The following HAT1 variants were observed in gnomAD, a reference collection of about 807,000 sequenced individuals.
The protein encoded by HAT1 is histone acetyltransferase 1.
Under a neutral mutation model 56.6 loss-of-function variants are expected in HAT1, and 20 were observed. The ratio of observed to expected loss-of-function variants is 0.35; its 90% CI spans 0.25 to 0.51. The LOEUF (loss-of-function observed/expected upper bound fraction) is 0.51. HAT1 is among the 20% of genes least tolerant of loss of function. HAT1 has a pLI of 0.95. For missense variants in HAT1, 408 were observed against 504.3 expected (o/e 0.81, Z 1.83); for synonymous variants, 146 against 165.5 (o/e 0.88, Z 0.91).
At position 171,979,357 on chromosome 2, in the gene HAT1, A is replaced by C; in HGVS notation, c.1086A>C (p.Pro362=). The part of the protein sequence containing the change: ...RLDIKRRLIS[P]YKKKQRDLAK... ...ATATTAAAAGAAGACTAATTAGCCC[A>C]TATAAGGTAGGACTTTCAAGAATCT... Residue 362 remains proline, a synonymous_variant, in exon 10 of 11, where the codon CCA becomes CCC. Transcript: ENST00000264108. The C allele has an allele frequency of 6.8e-7, 1 of 1,465,240 alleles. No homozygotes were observed. The highest frequency in any genetic ancestry group is 9.6e-7 in the Non-Finnish European group (1 of 1,044,046). 90.8% of individuals were successfully genotyped at this position (1,465,240 alleles called of 1,614,324 possible).
intron 4 of HAT1, among the ~76,000 whole-genome samples, chr2:171,963,588 T>A (rs1173238052): frequency 6.6e-6 from 1 of 152,248 alleles, no homozygotes; most frequent in East Asian, 1.9e-4. Flanking sequence ...TTTAAACTGA[T>A]AGATTATAAA....
At chr2:171,963,705 A>G (rs980537274) in intron 4 of HAT1, among the ~76,000 whole-genome samples, 3 of 152,206 alleles carry the variant, frequency 2.0e-5, no homozygotes, top group African/African-American at 7.2e-5. Flanking sequence ...CAACACATCT[A>G]TTACAGCTAT....
chr2:171,955,969 C>T (rs928462766), intron 4 of HAT1, among the ~76,000 whole-genome samples: 2 of 151,796 alleles, frequency 1.3e-5, no homozygotes, highest in African/African-American at 2.4e-5. Flanking sequence ...CACCGGAACC[C>T]GGTAGGCGGA....
At chr2:171,977,552 T>TA (rs1688014756) in intron 9 of HAT1, among the ~76,000 whole-genome samples, 4 of 19,880 alleles carry the variant, frequency 2.0e-4, no homozygotes, top group African/African-American at 1.1e-3. Flanking sequence ...TATATATATA[T>TA]ATATATTTTT....
chr2:171,938,118 A>G (rs1686924340), intron 2 of HAT1, among the ~76,000 whole-genome samples: 1 of 149,782 alleles, frequency 6.7e-6, no homozygotes, highest in Admixed American at 6.8e-5. Context: ...CAGGGCAGGC[A>G]TGGTGGCTCA....
In HAT1 at chr2:171,954,704, G is replaced by C. The variant is rs10182421; in HGVS notation, c.309+1703G>C. 1.4e-3 allele frequency among the ~76,000 whole-genome samples: 214 copies of C among 152,280 alleles called. 3 individuals are homozygous for C. Among genetic ancestry groups the C allele is most frequent in the African/African-American group, 4.8e-3 (200 of 41,564 alleles). On this transcript the variant is annotated intron_variant, in intron 4 of 10. Coordinates refer to ENST00000264108, the MANE Select transcript of HAT1 (RefSeq NM_003642.4). ...CCATCTCAAAAAAAGAGAGAGAGAT[G>C]AGTATGCATCTGTGGTAGACTGAAT...
At chr2:171,931,973 C>T (rs1686761193) in intron 2 of HAT1, among the ~76,000 whole-genome samples, 1 of 152,096 alleles carries the variant, frequency 6.6e-6, no homozygotes, top group African/African-American at 2.4e-5. Flanking sequence ...TCATATGTGC[C>T]CTTTATCAGG....
chr2:171,956,194 A>C (rs1687442007), intron 4 of HAT1, among the ~76,000 whole-genome samples: 2 of 150,400 alleles, frequency 1.3e-5, no homozygotes, highest in African/African-American at 4.9e-5. Context: ...AAAAAAAAAA[A>C]AAAAAAAGGC....
rs1686917784 is a variant in HAT1 at position 171,938,041 on chromosome 2, T to TCTCTCTCTCC, written c.113-8658_113-8657insCCTCTCTCTC. On this transcript the variant is annotated intron_variant, in intron 2 of 10. Transcript: ENST00000264108. ...TCTACTGATTCTCTCTCTCTCTCTC[T>TCTCTCTCTCC]CTCTCTCTCTCTCTCTCTCTCTCTC... Among the ~76,000 whole-genome samples, 50 of 130,204 alleles carry TCTCTCTCTCC rather than the reference T, an allele frequency of 3.8e-4. 1 individual carries two copies. The South Asian group carries it at 0.012, about 31-fold the overall frequency. 85.4% of individuals were successfully genotyped at this position (130,204 alleles called of 152,430 possible).
At chr2:171,942,558 A>G (rs1176644065) in intron 2 of HAT1, among the ~76,000 whole-genome samples, 2 of 152,092 alleles carry the variant, frequency 1.3e-5, no homozygotes, top group Non-Finnish European at 2.9e-5. Context: ...ATTTACTGTA[A>G]TTTATTTAAT....
chr2:171,977,553 ATATATTTTTTTTTTTTTT>A (rs1251089887), intron 9 of HAT1, among the ~76,000 whole-genome samples: 1 of 10,950 alleles, frequency 9.1e-5, no homozygotes, highest in African/African-American at 3.4e-4. Context: ...ATATATATAT[ATATATTTTTTTTTTTTTT>A]TTTTTTTTAA....
chr2:171,962,215 A>G (rs969542020), intron 4 of HAT1, among the ~76,000 whole-genome samples: 9 of 152,220 alleles, frequency 5.9e-5, no homozygotes, highest in Admixed American at 6.5e-5. Flanking sequence ...AAAGTACAGA[A>G]CACTGGAACT....
intron 2 of HAT1, among the ~76,000 whole-genome samples, chr2:171,926,418 C>T (rs972371413): frequency 2.0e-5 from 3 of 152,158 alleles, no homozygotes; most frequent in Admixed American, 6.6e-5. Flanking sequence ...CTCAGCCTCC[C>T]GTGTAGCTGG....
At chr2:171,928,796 C>T (rs1686663237) in intron 2 of HAT1, among the ~76,000 whole-genome samples, 3 of 152,222 alleles carry the variant, frequency 2.0e-5, no homozygotes, top group Admixed American at 1.3e-4. Flanking sequence ...GCGTGAGCCA[C>T]CGTGCCCGGC....
At chr2:171,922,880 C>G in intron 1 of HAT1, 1 of 232,436 alleles carries the variant, frequency 4.3e-6, no homozygotes, top group Non-Finnish European at 8.3e-6. Context: ...GGTCCTGTTC[C>G]CGCCAGCTGA....
intron 3 of HAT1, among the ~76,000 whole-genome samples, chr2:171,951,578 C>T (rs946120039): frequency 6.7e-6 from 1 of 149,866 alleles, no homozygotes; most frequent in South Asian, 2.1e-4. Flanking sequence ...CACCACCACA[C>T]CTGCCTATTT....
chr2:171,966,400 T>C lies in HAT1; in HGVS notation c.612-9T>C, dbSNP rs866627047. Reference sequence around the variant, plus strand: ...AATTGACCTGCTTGGCTTTCTGTTTTATCTGCAGATTTGAGAAGTATAATA... The same window carrying C: ...AATTGACCTGCTTGGCTTTCTGTTTCATCTGCAGATTTGAGAAGTATAATA... On this transcript the variant is annotated splice_polypyrimidine_tract_variant and intron_variant, in intron 6 of 10. Coordinates refer to ENST00000264108, the MANE Select transcript of HAT1 (RefSeq NM_003642.4). 1.4e-6 allele frequency: 2 copies of C among 1,432,994 alleles called. No homozygotes were observed. Among genetic ancestry groups the C allele is most frequent in the African/African-American group, 1.4e-5 (1 of 71,538 alleles). The allele number at this position is 1,432,994 out of a possible 1,614,324, so 88.8% of individuals were successfully genotyped here. A position where few individuals can be genotyped will look rare whatever the true frequency, so the allele number is the denominator to read the frequency against.
chr2:171,970,427 A>C (rs996122023), intron 8 of HAT1, among the ~76,000 whole-genome samples: 10 of 149,144 alleles, frequency 6.7e-5, no homozygotes, highest in African/African-American at 2.5e-4. Context: ...ATTCACACAC[A>C]CATACACACA....
intron 6 of HAT1, 21 bp downstream of exon 6, chr2:171,965,929 A>G (rs376429104): frequency 6.9e-6 from 11 of 1,602,974 alleles, no homozygotes; most frequent in Non-Finnish European, 9.4e-6. Flanking sequence ...TTCTAAAGCA[A>G]CAGTAGACCT....
Sources: allele counts gnomAD v4.1 joint callset (sites outside exome capture counted in the v4.1 genomes callset), GRCh38; gene constraint gnomAD v4.1.1; transcripts MANE v1.5; gene names NCBI Gene and HGNC (gene_info 2026-07-23, HGNC 2026-07-21).